RBFOX1: variants seen among roughly 807,000 people sequenced by gnomAD.
The protein encoded by RBFOX1 is RNA binding protein fox-1 homolog 1.
Under a neutral mutation model 57.7 loss-of-function variants are expected in RBFOX1, and 8 were observed. The ratio of observed to expected loss-of-function variants is 0.14; its 90% CI spans 0.08 to 0.25. RBFOX1 has a LOEUF of 0.25. Among genes scored for constraint, RBFOX1 ranks in the 10% least tolerant of loss-of-function variants. RBFOX1 has a pLI of 1.00. For missense variants in RBFOX1, 611 were observed against 548.5 expected, an observed-to-expected ratio of 1.11 and a Z score of -1.14; for synonymous variants, 326 against 222.4, an observed-to-expected ratio of 1.47 and a Z score of -4.15.
At chr16:5,654,450 G>A (rs558994868) in intron 3 of RBFOX1, among the ~76,000 whole-genome samples, 10 of 152,154 alleles carry the variant, frequency 6.6e-5, no homozygotes, top group African/African-American at 2.2e-4. Flanking sequence ...ACCATTTCTT[G>A]TGGAGGTTGG....
At chr16:6,839,281 G>A (rs1254981484) in intron 3 of RBFOX1, among the ~76,000 whole-genome samples, 2 of 151,992 alleles carry the variant, frequency 1.3e-5, no homozygotes, top group Admixed American at 6.6e-5. Flanking sequence ...CACTGTGCCC[G>A]GCACATCATT....
chr16:5,384,294 CAGT>C (rs1386142465), intron 1 of RBFOX1, among the ~76,000 whole-genome samples: 2 of 151,194 alleles, frequency 1.3e-5, no homozygotes, highest in African/African-American at 4.9e-5. Context: ...GTAGCAGCAG[CAGT>C]AGCAGCAGCA....
intron 1 of RBFOX1, among the ~76,000 whole-genome samples, chr16:5,386,956 C>G (rs1334538766): frequency 1.3e-5 from 2 of 152,210 alleles, no homozygotes; most frequent in East Asian, 1.9e-4. Flanking sequence ...GAGGCTGAGG[C>G]AGTAGAATCT....
intron 4 of RBFOX1, among the ~76,000 whole-genome samples, chr16:7,413,689 G>T (rs1259298170): frequency 6.6e-6 from 1 of 152,036 alleles, no homozygotes; most frequent in Admixed American, 6.5e-5. Context: ...TCCTCAGCGG[G>T]TGTGGCATTC....
At chr16:6,478,988 A>G (rs2095328069) in intron 2 of RBFOX1, among the ~76,000 whole-genome samples, 1 of 152,240 alleles carries the variant, frequency 6.6e-6, no homozygotes, top group Non-Finnish European at 1.5e-5. Flanking sequence ...TGGCACCAAT[A>G]GACTTGCTCA....
At chr16:7,481,955 T>G (rs1401009064) in intron 4 of RBFOX1, among the ~76,000 whole-genome samples, 1 of 152,228 alleles carries the variant, frequency 6.6e-6, no homozygotes, top group African/African-American at 2.4e-5. Flanking sequence ...ACAGTATGGT[T>G]ATTATGAGAA....
intron 3 of RBFOX1, among the ~76,000 whole-genome samples, chr16:6,881,909 A>G (rs12925230): frequency 0.25 from 38,350 of 151,978 alleles, 5,048 homozygotes; most frequent in African/African-American, 0.32. Context: ...GTATAGCAGG[A>G]TTTAGATGTA....
intron 4 of RBFOX1, among the ~76,000 whole-genome samples, chr16:5,990,697 G>A (rs1025406564): frequency 2.0e-5 from 3 of 151,412 alleles, no homozygotes; most frequent in Admixed American, 6.6e-5. Context: ...GCCAGGCACA[G>A]TGGCTCACGC....
chr16:6,683,876 A>G (rs953397406), intron 3 of RBFOX1, among the ~76,000 whole-genome samples: 4 of 152,212 alleles, frequency 2.6e-5, no homozygotes, highest in African/African-American at 9.6e-5. Context: ...ATAACACTTT[A>G]TTTTACACGA....
At chr16:6,846,036 G>C (rs955052111) in intron 3 of RBFOX1, among the ~76,000 whole-genome samples, 1 of 152,174 alleles carries the variant, frequency 6.6e-6, no homozygotes, top group African/African-American at 2.4e-5. Flanking sequence ...CCATATTTCT[G>C]TCCCTCAACA....
At chr16:6,691,851 C>G (rs905713453) in intron 3 of RBFOX1, among the ~76,000 whole-genome samples, 4 of 152,180 alleles carry the variant, frequency 2.6e-5, no homozygotes, top group African/African-American at 4.8e-5. Flanking sequence ...TTTCCTTGCT[C>G]TGGTCAGAGG....
At chr16:6,735,203 G>T (rs1480040438) in intron 3 of RBFOX1, among the ~76,000 whole-genome samples, 1 of 152,090 alleles carries the variant, frequency 6.6e-6, no homozygotes, top group Non-Finnish European at 1.5e-5. Context: ...AAACCAAACT[G>T]GTGGCTTATT....
chr16:7,195,798 C>A (rs966951491), intron 4 of RBFOX1, among the ~76,000 whole-genome samples: 1 of 152,192 alleles, frequency 6.6e-6, no homozygotes, highest in Non-Finnish European at 1.5e-5. Context: ...GGTAATCTGC[C>A]TGCCTCTGCC....
intron 4 of RBFOX1, among the ~76,000 whole-genome samples, chr16:7,150,347 G>T (rs953456781): frequency 6.6e-6 from 1 of 152,106 alleles, no homozygotes; most frequent in Non-Finnish European, 1.5e-5. Flanking sequence ...ATTAGACAGT[G>T]CCCACCCTAC....
At chr16:6,237,461 T>A (rs2097513803) in intron 1 of RBFOX1, among the ~76,000 whole-genome samples, 1 of 152,194 alleles carries the variant, frequency 6.6e-6, no homozygotes. Flanking sequence ...AGCCCCACTT[T>A]CATCAGTTCT....
chr16:6,384,786 G>T (rs1356642711), intron 2 of RBFOX1, among the ~76,000 whole-genome samples: 1 of 152,168 alleles, frequency 6.6e-6, no homozygotes, highest in Non-Finnish European at 1.5e-5. Flanking sequence ...TGTTTTCTCC[G>T]ATCTGATATA....
At chr16:5,612,827 C>T (rs538443629) in intron 3 of RBFOX1, among the ~76,000 whole-genome samples, 1 of 152,304 alleles carries the variant, frequency 6.6e-6, no homozygotes, top group Non-Finnish European at 1.5e-5. Context: ...GACCTCAGTG[C>T]CACCATGAGG....
rs2345054 is a variant in RBFOX1, at chr16:6,383,756, C to A, written c.-64+66699C>A. Among the ~76,000 whole-genome samples, 1,177 of 150,674 alleles carry A rather than the reference C, an allele frequency of 7.8e-3. 14 individuals are homozygous for A. The highest frequency in any genetic ancestry group is 0.027 in the African/African-American group (1,111 of 40,788). ...CTGCACTCCAGCCTGGGCGACAGTG[C>A]GAGAATTTATCTTGGAAAAAAAAAA... On this transcript the variant is annotated intron_variant, in intron 2 of 15. Transcript: ENST00000550418.
At chr16:6,345,251 T>C (rs1212678779) in intron 2 of RBFOX1, among the ~76,000 whole-genome samples, 1 of 152,152 alleles carries the variant, frequency 6.6e-6, no homozygotes, top group Non-Finnish European at 1.5e-5. Flanking sequence ...GCCAGGTGTG[T>C]TAAACAGTAA....
Sources: allele counts gnomAD v4.1 joint callset (sites outside exome capture counted in the v4.1 genomes callset), GRCh38; gene constraint gnomAD v4.1.1; transcripts MANE v1.5; gene names NCBI Gene and HGNC (gene_info 2026-07-23, HGNC 2026-07-21).